The following COG5 variants were observed in gnomAD, a reference collection of about 807,000 sequenced individuals.
COG5 encodes conserved oligomeric Golgi complex subunit 5.
A neutral mutation model predicts 110.4 loss-of-function variants in COG5; 86 were observed. That is an observed-to-expected ratio of 0.78 (90% confidence interval 0.65 to 0.93). The LOEUF is 0.93. COG5 is among the 40% of genes least tolerant of loss of function. COG5 has a pLI of 0.00. For synonymous variants in COG5, 360 were observed against 334.6 expected, an observed-to-expected ratio of 1.08 and a Z score of -0.83; for missense variants, 1,077 against 987.0, an observed-to-expected ratio of 1.09 and a Z score of -1.22.
chr7:107,255,139 G>C (rs188494776), intron 16 of COG5, among the ~76,000 whole-genome samples: 15 of 152,152 alleles, frequency 9.9e-5, no homozygotes, highest in Admixed American at 9.8e-4. Context: ...GTTACTGCTA[G>C]AAGAAAAAAA....
intron 3 of COG5, among the ~76,000 whole-genome samples, chr7:107,549,466 A>G (rs1202836305): frequency 3.3e-5 from 5 of 150,382 alleles, no homozygotes; most frequent in African/African-American, 4.9e-5. Flanking sequence ...ATCCCCCCTC[A>G]CTGCATGCTC....
intron 6 of COG5, among the ~76,000 whole-genome samples, chr7:107,454,606 G>C (rs1584845636): frequency 6.6e-6 from 1 of 152,092 alleles, no homozygotes; most frequent in African/African-American, 2.4e-5. Context: ...TCACATTATA[G>C]TTTTTTAAAC....
At chr7:107,401,767 CTA>C (rs1791450550) in intron 7 of COG5, among the ~76,000 whole-genome samples, 1 of 152,120 alleles carries the variant, frequency 6.6e-6, no homozygotes. Context: ...AGAAAAACAG[CTA>C]AATATATAAA....
chr7:107,280,492 T>C (rs1488992411), intron 14 of COG5, among the ~76,000 whole-genome samples: 1 of 152,032 alleles, frequency 6.6e-6, no homozygotes, highest in Non-Finnish European at 1.5e-5. Flanking sequence ...TTTATTATGG[T>C]ATTTCAACCG....
At chr7:107,517,490 A>G (rs1563078557) in intron 6 of COG5, among the ~76,000 whole-genome samples, 2 of 152,200 alleles carry the variant, frequency 1.3e-5, no homozygotes, top group Non-Finnish European at 1.5e-5. Flanking sequence ...CAGGAAATAC[A>G]GAGAACACCA....
chr7:107,523,516 G>A (rs1800484273), intron 6 of COG5, among the ~76,000 whole-genome samples: 1 of 151,884 alleles, frequency 6.6e-6, no homozygotes, highest in African/African-American at 2.4e-5. Flanking sequence ...AATACTACTG[G>A]TAAGAATGTA....
At chr7:107,282,921 CA>C (rs1320215656) in intron 13 of COG5, among the ~76,000 whole-genome samples, 2 of 152,138 alleles carry the variant, frequency 1.3e-5, no homozygotes, top group Admixed American at 6.5e-5. Context: ...TTAAAACGTC[CA>C]TCTCAAATGT....
At chr7:107,546,466 C>G (rs568658065) in intron 5 of COG5, among the ~76,000 whole-genome samples, 1 of 111,786 alleles carries the variant, frequency 8.9e-6, no homozygotes. Flanking sequence ...GACAAGGTCT[C>G]GCTCTTTTGT....
At chr7:107,415,855 C>CACAT (rs1175134173) in intron 6 of COG5, among the ~76,000 whole-genome samples, 1 of 112,430 alleles carries the variant, frequency 8.9e-6, no homozygotes, top group Non-Finnish European at 2.0e-5. Flanking sequence ...TATATACACA[C>CACAT]ACATACACGT....
chr7:107,542,217 G>GA (rs1045308093), intron 5 of COG5, among the ~76,000 whole-genome samples: 2 of 152,010 alleles, frequency 1.3e-5, no homozygotes, highest in Middle Eastern at 3.2e-3. Flanking sequence ...GCGAGAAGGA[G>GA]AAAAAAATGG....
intron 14 of COG5, among the ~76,000 whole-genome samples, chr7:107,273,959 T>C (rs896777020): frequency 2.0e-5 from 3 of 152,164 alleles, no homozygotes; most frequent in Admixed American, 6.5e-5. Context: ...AAAAGCCATA[T>C]AGGAAAAAGT....
At chr7:107,342,347 A>C (rs971406678) in intron 10 of COG5, among the ~76,000 whole-genome samples, 10 of 148,048 alleles carry the variant, frequency 6.8e-5, no homozygotes, top group East Asian at 2.0e-4. Flanking sequence ...ATTATAAAAG[A>C]GTCAAAACAA....
At chr7:107,396,737 G>C (rs1040980277) in intron 7 of COG5, among the ~76,000 whole-genome samples, 1 of 152,040 alleles carries the variant, frequency 6.6e-6, no homozygotes, top group African/African-American at 2.4e-5. Flanking sequence ...ATTCTAACAA[G>C]TCATAGTTTG....
rs529047887 is a variant in COG5 at position 107,419,351 on chromosome 7, A to T, written c.539-6719T>A. 1.2e-3 allele frequency among the ~76,000 whole-genome samples: 179 copies of T among 152,212 alleles called. 2 individuals carry two copies. Among genetic ancestry groups the T allele is most frequent in the African/African-American group, 4.2e-3 (176 of 41,564 alleles). ...AAGCTCACAATATATAAAACCAATA[A>T]TTTAAACAAAATTAATGAATACAAT... On this transcript the variant is annotated intron_variant, in intron 6 of 21. Coordinates refer to ENST00000297135, the MANE Select transcript of COG5 (RefSeq NM_006348.5).
rs746390342 is a variant in COG5, at chr7:107,236,521, T to C, written c.2020A>G (p.Ile674Val). ...GGTCTTATGAGACTGGCATGGCGGA[T>C]AAAAAGTTCAACAGCTCTTTGGGCA... Reference protein sequence around the residue: ...AIAQRAVELFIRHASLIRPLG... With the variant: ...AIAQRAVELFVRHASLIRPLG... The change falls in exon 18 of 22, where the codon ATC becomes GTC. Residue 674 changes from isoleucine to valine, a missense_variant. By Grantham distance (29) the Ile-to-Val change is conservative. Coordinates refer to ENST00000297135, the MANE Select transcript of COG5 (RefSeq NM_006348.5). 3.7e-6 allele frequency: 6 copies of C among 1,614,172 alleles called. No homozygotes were observed. The highest frequency in any genetic ancestry group is 1.7e-5 in the Admixed American group (1 of 60,028).
At chr7:107,368,813 T>C (rs1427022689) in intron 8 of COG5, among the ~76,000 whole-genome samples, 1 of 152,198 alleles carries the variant, frequency 6.6e-6, no homozygotes, top group Non-Finnish European at 1.5e-5. Flanking sequence ...TGTTAAATAT[T>C]TCAGGCATAC....
intron 1 of COG5, among the ~76,000 whole-genome samples, chr7:107,559,117 G>C (rs1444943342): frequency 6.6e-6 from 1 of 151,718 alleles, no homozygotes; most frequent in Admixed American, 6.6e-5. Context: ...AGTAACAATA[G>C]GAAATATAAA....
chr7:107,298,486 T>C (rs982932279), intron 11 of COG5, 140 bp from the exon 12 acceptor site: 6 of 543,962 alleles, frequency 1.1e-5, no homozygotes, highest in African/African-American at 5.6e-5. Context: ...TTTATAATAA[T>C]GCTAATAATA....
chr7:107,561,100 G>A (rs1803736948), intron 1 of COG5, among the ~76,000 whole-genome samples: 2 of 152,198 alleles, frequency 1.3e-5, no homozygotes, highest in Admixed American at 1.3e-4. Flanking sequence ...TATTAGTATT[G>A]TCATAGAGCT....
Sources: allele counts gnomAD v4.1 joint callset (sites outside exome capture counted in the v4.1 genomes callset), GRCh38; gene constraint gnomAD v4.1.1; transcripts MANE v1.5; gene names NCBI Gene and HGNC (gene_info 2026-07-23, HGNC 2026-07-21).